Variants in TLL2 observed in about 807,000 individuals in gnomAD.
TLL2 encodes the protein tolloid like 2.
TLL2 carries 106 observed loss-of-function variants against 123.0 expected under a neutral mutation model. The observed-to-expected ratio is 0.86, with a 90% CI of 0.74 to 1.01. The LOEUF (loss-of-function observed/expected upper bound fraction) is 1.01, where lower values mean the gene tolerates loss of function less well. Ranked by LOEUF, TLL2 falls within the 50% of genes least tolerant of loss-of-function variation. TLL2 has a pLI of 0.00. For synonymous variants in TLL2, 494 were observed against 516.8 expected (o/e 0.96, Z 0.60); for missense variants, 1,332 against 1,336.7 (o/e 1.00, Z 0.06).
At chr10:96,503,760 A>G (rs56259063) in intron 1 of TLL2, among the ~76,000 whole-genome samples, 1,832 of 152,314 alleles carry the variant, frequency 0.012, 37 homozygotes, top group African/African-American at 0.041. Flanking sequence ...GCTTTAGGAC[A>G]GAGTACTTGG....
chr10:96,433,496 G>C (rs182280871), intron 3 of TLL2, among the ~76,000 whole-genome samples: 1 of 152,280 alleles, frequency 6.6e-6, no homozygotes, highest in East Asian at 1.9e-4. Flanking sequence ...CTTAAGACAG[G>C]AGTGTGGCAA....
chr10:96,478,664 C>T (rs1205453168), intron 2 of TLL2, among the ~76,000 whole-genome samples: 3 of 152,312 alleles, frequency 2.0e-5, no homozygotes, highest in East Asian at 3.9e-4. Flanking sequence ...AAGAGCAACA[C>T]GGCAATGTGA....
At chr10:96,479,994 G>C (rs553946628) in intron 2 of TLL2, among the ~76,000 whole-genome samples, 1 of 152,256 alleles carries the variant, frequency 6.6e-6, no homozygotes, top group African/African-American at 2.4e-5. Context: ...CACTGCTCTT[G>C]GTTTCTCACA....
intron 15 of TLL2, 106 bp downstream of exon 15, chr10:96,385,949 T>G: frequency 8.0e-7 from 1 of 1,243,788 alleles, no homozygotes. Flanking sequence ...TGTCCAAAGC[T>G]TCAGTCAACA....
At chr10:96,504,207 C>T (rs560353375) in intron 1 of TLL2, among the ~76,000 whole-genome samples, 20 of 152,296 alleles carry the variant, frequency 1.3e-4, no homozygotes, top group African/African-American at 4.8e-4. Context: ...CTGGTTTCTT[C>T]GGTAGGGCTC....
chr10:96,434,552 G>T (rs192877230), intron 3 of TLL2, among the ~76,000 whole-genome samples: 5 of 152,304 alleles, frequency 3.3e-5, no homozygotes, highest in African/African-American at 1.2e-4. Context: ...GTATTCCATT[G>T]TATGCACATA....
In TLL2 at chr10:96,367,357, A is replaced by G. The variant is rs762720519; in HGVS notation, c.*731T>C. On this transcript the variant is annotated 3_prime_UTR_variant, in exon 21 of 21. Coordinates refer to ENST00000357947, the MANE Select transcript of TLL2 (RefSeq NM_012465.4). ...CCACAATATTGTCTTCTCAGCAGAC[A>G]GGACTCTCGCCAGCAAATGTTCTGC... 7 of 152,252 alleles carry G rather than the reference A, an allele frequency of 4.6e-5. No homozygotes were observed. The highest frequency in any genetic ancestry group is 1.0e-4 in the Non-Finnish European group (7 of 68,050). The allele number at this position is 152,252 out of a possible 1,614,324, so 9.4% of individuals were successfully genotyped here. A position where few individuals can be genotyped will look rare whatever the true frequency, so the allele number is the denominator to read the frequency against.
At chr10:96,386,017 C>T in intron 15 of TLL2, 38 bp downstream of exon 15, 2 of 1,524,974 alleles carry the variant, frequency 1.3e-6, no homozygotes, top group Non-Finnish European at 1.8e-6. Flanking sequence ...AGTCACCCCT[C>T]AATACAGTCC....
intron 19 of TLL2, among the ~76,000 whole-genome samples, chr10:96,370,747 C>G (rs1266065928): frequency 6.6e-6 from 1 of 152,194 alleles, no homozygotes; most frequent in Non-Finnish European, 1.5e-5. Context: ...TTTGTCATTT[C>G]TGCCGACAGA....
At chr10:96,436,267 A>G (rs1162397946) in intron 3 of TLL2, among the ~76,000 whole-genome samples, 2 of 152,248 alleles carry the variant, frequency 1.3e-5, no homozygotes, top group Non-Finnish European at 2.9e-5. Context: ...TACTGATATC[A>G]TTGATGGCTA....
rs1260313213 is a variant in TLL2, at chr10:96,376,828, G to A, written c.2321-9C>T. The A allele has an allele frequency of 7.3e-6, 11 of 1,516,822 alleles. No individual in the cohort carries two copies. In the South Asian group the frequency reaches 1.4e-4, roughly 20 times the overall value. 94.0% of individuals were successfully genotyped at this position (1,516,822 alleles called of 1,614,324 possible). ...CTTGTGTGCACAGCCAGCTGGGGGT[G>A]GCAGGGGGACACATACAAAGAGAGA... On this transcript the variant is annotated splice_polypyrimidine_tract_variant and intron_variant, in intron 17 of 20. Coordinates refer to ENST00000357947, the MANE Select transcript of TLL2 (RefSeq NM_012465.4).
intron 9 of TLL2, among the ~76,000 whole-genome samples, chr10:96,408,793 TA>T (rs1164784704): frequency 3.3e-5 from 5 of 152,246 alleles, no homozygotes; most frequent in African/African-American, 9.6e-5. Flanking sequence ...TGTAATAATA[TA>T]AGATGACAGT....
chr10:96,403,676 GC>G (rs1392465029), intron 10 of TLL2, among the ~76,000 whole-genome samples: 3 of 152,160 alleles, frequency 2.0e-5, no homozygotes, highest in Non-Finnish European at 2.9e-5. Context: ...CCGTCCCCCA[GC>G]CCGACACCCG....
chr10:96,480,287 C>T (rs2134104332), intron 2 of TLL2, 62 bp downstream of exon 2: 5 of 1,381,944 alleles, frequency 3.6e-6, no homozygotes, highest in South Asian at 1.2e-5. Context: ...GACCACATCT[C>T]CCCCTGCTGA....
chr10:96,464,038 G>T (rs1344116381), intron 2 of TLL2, among the ~76,000 whole-genome samples: 1 of 152,178 alleles, frequency 6.6e-6, no homozygotes, highest in African/African-American at 2.4e-5. Flanking sequence ...CAGGAGCCGA[G>T]AGCCTGCTGA....
chr10:96,412,553 C>T (rs1388704898), intron 8 of TLL2, among the ~76,000 whole-genome samples: 1 of 152,096 alleles, frequency 6.6e-6, no homozygotes, highest in Non-Finnish European at 1.5e-5. Context: ...GGGACAAATC[C>T]AAGGGGAAGG....
chr10:96,419,717 T>G (rs1434540323), intron 7 of TLL2, among the ~76,000 whole-genome samples: 1 of 152,170 alleles, frequency 6.6e-6, no homozygotes, highest in African/African-American at 2.4e-5. Context: ...TTAGAGGATT[T>G]CTCCCATAGT....
chr10:96,474,215 C>G (rs1226608730), intron 2 of TLL2, among the ~76,000 whole-genome samples: 1 of 152,164 alleles, frequency 6.6e-6, no homozygotes, highest in Non-Finnish European at 1.5e-5. Context: ...GCCTTGCCCC[C>G]ACACACATCC....
chr10:96,419,493 A>C (rs146058334), intron 7 of TLL2, among the ~76,000 whole-genome samples: 3 of 151,138 alleles, frequency 2.0e-5, no homozygotes, highest in African/African-American at 7.4e-5. Flanking sequence ...TCATCACACC[A>C]TGTTTCTTTT....
Sources: gnomAD v4.1 joint callset for allele counts (sites outside exome capture counted in the v4.1 genomes callset) on GRCh38, gnomAD v4.1.1 for gene constraint, MANE v1.5 for transcripts, NCBI Gene and HGNC (gene_info 2026-07-23, HGNC 2026-07-21) for gene names.